AGBL4: variants seen among roughly 807,000 people sequenced by gnomAD.
AGBL4 encodes AGBL carboxypeptidase 4.
AGBL4 carries 58 observed loss-of-function variants against 66.4 expected under a neutral mutation model. That is an observed-to-expected ratio of 0.87 (90% CI 0.71 to 1.09). The LOEUF (loss-of-function observed/expected upper bound fraction) is 1.09. AGBL4 is among the 50% of genes least tolerant of loss of function. The pLI is 0.00. For missense variants in AGBL4, 579 were observed against 631.0 expected, an observed-to-expected ratio of 0.92 and a Z score of 0.88; for synonymous variants, 234 against 222.9, an observed-to-expected ratio of 1.05 and a Z score of -0.44.
intron 4 of AGBL4, among the ~76,000 whole-genome samples, chr1:49,184,649 T>C (rs1257122802): frequency 1.3e-5 from 2 of 152,222 alleles, no homozygotes; most frequent in Non-Finnish European, 2.9e-5. Context: ...CATTTAAGAA[T>C]GACTTTTGAC....
intron 3 of AGBL4, among the ~76,000 whole-genome samples, chr1:49,474,004 C>T (rs532509491): frequency 3.0e-4 from 46 of 152,100 alleles, no homozygotes; most frequent in South Asian, 1.2e-3. Flanking sequence ...ACATTTGTAC[C>T]AGTACCATGT....
intron 4 of AGBL4, among the ~76,000 whole-genome samples, chr1:49,169,765 T>C (rs1313079202): frequency 6.6e-6 from 1 of 152,206 alleles, no homozygotes; most frequent in Non-Finnish European, 1.5e-5. Context: ...TTAGACTTTT[T>C]TCTCTGGTTT....
intron 6 of AGBL4, among the ~76,000 whole-genome samples, chr1:48,865,282 C>G (rs1647928814): frequency 2.6e-5 from 4 of 152,112 alleles, no homozygotes; most frequent in Admixed American, 2.6e-4. Context: ...ATGGTGCTTC[C>G]TAACCTTTCT....
chr1:48,629,537 C>T (rs1319377407), intron 9 of AGBL4, among the ~76,000 whole-genome samples: 1 of 152,114 alleles, frequency 6.6e-6, no homozygotes, highest in Non-Finnish European at 1.5e-5. Context: ...AGCTCCCAAA[C>T]AAGACATGGT....
intron 5 of AGBL4, among the ~76,000 whole-genome samples, chr1:48,996,397 A>C (rs1196063622): frequency 2.0e-5 from 3 of 152,246 alleles, no homozygotes; most frequent in Non-Finnish European, 4.4e-5. Flanking sequence ...TAGTGGCTAG[A>C]GTACTTTAAC....
chr1:49,320,939 C>T (rs1290054423), intron 3 of AGBL4, among the ~76,000 whole-genome samples: 4 of 152,042 alleles, frequency 2.6e-5, no homozygotes, highest in Non-Finnish European at 5.9e-5. Flanking sequence ...AGAAGTGCTA[C>T]TTTTAAACCA....
At chr1:48,738,359 T>A (rs987102125) in intron 6 of AGBL4, among the ~76,000 whole-genome samples, 9 of 152,214 alleles carry the variant, frequency 5.9e-5, no homozygotes, top group Non-Finnish European at 1.0e-4. Context: ...GTACTGCAAA[T>A]CTGTTCATCC....
intron 1 of AGBL4, among the ~76,000 whole-genome samples, chr1:49,864,726 C>G (rs1646659160): frequency 6.6e-6 from 1 of 152,158 alleles, no homozygotes. Context: ...CATGACTGTG[C>G]AGATTCTTGG....
At chr1:48,620,118 G>A (rs928232258) in intron 9 of AGBL4, among the ~76,000 whole-genome samples, 2 of 152,114 alleles carry the variant, frequency 1.3e-5, no homozygotes, top group East Asian at 3.9e-4. Flanking sequence ...GAAACCCTAT[G>A]AAAGAAAAGC....
Position 48,627,982 on chromosome 1 carries a change from C to T in AGBL4, c.951+6511G>A, listed in dbSNP as rs144041350. ...ACCTACCTGGTCTCCCTTCTTCCCA[C>T]GTAGTCTCACCTCCTTTGATCCACT... On this transcript the variant is annotated intron_variant, in intron 9 of 13. Coordinates refer to ENST00000371839, the MANE Select transcript of AGBL4 (RefSeq NM_032785.4). Among the ~76,000 whole-genome samples the T allele has an allele frequency of 2.4e-4, 36 of 152,310 alleles. No individual in the cohort carries two copies. In the East Asian group the frequency reaches 3.7e-3, roughly 16 times the overall value.
intron 9 of AGBL4, among the ~76,000 whole-genome samples, chr1:48,597,660 C>T (rs1434039602): frequency 8.1e-6 from 1 of 123,920 alleles, no homozygotes; most frequent in African/African-American, 3.1e-5. Context: ...CAGAAGAGAA[C>T]AGGGAGAAGG....
intron 3 of AGBL4, among the ~76,000 whole-genome samples, chr1:49,393,616 A>T (rs973997869): frequency 3.3e-5 from 5 of 152,230 alleles, no homozygotes; most frequent in African/African-American, 1.2e-4. Context: ...TGGAGCACAA[A>T]GGAAGAAACT....
rs186086022 is a variant in AGBL4 at position 49,365,898 on chromosome 1, T to C, written c.283-120034A>G. Among the ~76,000 whole-genome samples the C allele has an allele frequency of 5.3e-3, 803 of 152,278 alleles. 8 individuals carry two copies. The highest frequency in any genetic ancestry group is 6.6e-3 in the Non-Finnish European group (447 of 68,022). The stretch of plus-strand genomic sequence containing the variant: ...GTTACTGAACCTCTTTGAATGCCTG[T>C]CTGTGAAATGAACATGTTAAAAACC... On this transcript the variant is annotated intron_variant, in intron 3 of 13. Coordinates refer to ENST00000371839, the MANE Select transcript of AGBL4 (RefSeq NM_032785.4).
chr1:49,869,955 G>A (rs1474780741), intron 1 of AGBL4, among the ~76,000 whole-genome samples: 1 of 152,086 alleles, frequency 6.6e-6, no homozygotes, highest in Non-Finnish European at 1.5e-5. Context: ...TAGAAAAGAA[G>A]ATCTAGAATG....
At chr1:49,172,442 G>T (rs74076681) in intron 4 of AGBL4, among the ~76,000 whole-genome samples, 3,528 of 152,304 alleles carry the variant, frequency 0.023, 124 homozygotes, top group African/African-American at 0.079. Flanking sequence ...AGAAGATTAT[G>T]CTACATCAGA....
chr1:48,532,780 GT>G (rs1643913489), downstream of AGBL4: 1 of 152,136 alleles, frequency 6.6e-6, no homozygotes, highest in Non-Finnish European at 1.5e-5. Context: ...CAGTTTTGGG[GT>G]TTGCCTGTTG....
intron 1 of AGBL4, among the ~76,000 whole-genome samples, chr1:49,962,151 A>C (rs985394812): frequency 1.3e-5 from 2 of 152,170 alleles, no homozygotes; most frequent in Non-Finnish European, 2.9e-5. Context: ...TATATAATGC[A>C]GAAAAGACTA....
chr1:48,859,250 G>A (rs58932681), intron 6 of AGBL4, among the ~76,000 whole-genome samples: 4,826 of 152,136 alleles, frequency 0.032, 264 homozygotes, highest in African/African-American at 0.11. Flanking sequence ...AATCCATCCC[G>A]AAGGTTTTCT....
At chr1:49,619,368 A>G (rs1645312102) in intron 3 of AGBL4, among the ~76,000 whole-genome samples, 1 of 152,212 alleles carries the variant, frequency 6.6e-6, no homozygotes, top group Non-Finnish European at 1.5e-5. Context: ...TCCCATTCAC[A>G]ATTGCTACAA....
Sources: gnomAD v4.1 joint callset for allele counts (sites outside exome capture counted in the v4.1 genomes callset) on GRCh38, gnomAD v4.1.1 for gene constraint, MANE v1.5 for transcripts, NCBI Gene and HGNC (gene_info 2026-07-23, HGNC 2026-07-21) for gene names.